Variants in SOX5 observed in about 807,000 individuals in gnomAD.
SOX5 encodes the protein transcription factor SOX-5.
SOX5 carries 9 observed loss-of-function variants against 92.0 expected under a neutral mutation model. The observed-to-expected ratio is 0.10, with a 90% CI of 0.06 to 0.17. The LOEUF (loss-of-function observed/expected upper bound fraction) is 0.17, where lower values mean the gene tolerates loss of function less well. Ranked by LOEUF, SOX5 falls within the 10% of genes least tolerant of loss-of-function variation. The pLI, the probability that SOX5 is intolerant of heterozygous loss-of-function variation, is 1.00. For synonymous variants in SOX5, 344 were observed against 336.3 expected, an observed-to-expected ratio of 1.02 and a Z score of -0.25; for missense variants, 642 against 944.5, an observed-to-expected ratio of 0.68 and a Z score of 4.20.
intron 6 of SOX5, among the ~76,000 whole-genome samples, chr12:23,697,863 T>C (rs2090098878): frequency 6.6e-6 from 1 of 152,136 alleles, no homozygotes; most frequent in African/African-American, 2.4e-5. Flanking sequence ...TAATTTACAT[T>C]TAATAAAATT....
chr12:23,684,127 G>A (rs1034017100), intron 6 of SOX5, among the ~76,000 whole-genome samples: 3 of 151,938 alleles, frequency 2.0e-5, no homozygotes, highest in Non-Finnish European at 4.4e-5. Flanking sequence ...AACTAGAAAT[G>A]TGCTCTACTC....
At chr12:23,957,226 A>G (rs902412237) in intron 4 of SOX5, among the ~76,000 whole-genome samples, 4 of 152,198 alleles carry the variant, frequency 2.6e-5, no homozygotes, top group Non-Finnish European at 4.4e-5. Flanking sequence ...GTTACTAATT[A>G]AAGTTAATGT....
intron 7 of SOX5, among the ~76,000 whole-genome samples, chr12:23,646,437 G>A (rs1158973938): frequency 6.6e-6 from 1 of 152,168 alleles, no homozygotes; most frequent in Non-Finnish European, 1.5e-5. Flanking sequence ...AAAGTGCTGG[G>A]ATTATGGGCA....
rs1375437943 is a variant in SOX5, at chr12:24,095,122, C to CAGAGAGAGAGAG, written c.-2+118220_-2+118221insCTCTCTCTCTCT. ...ACACACACACACACACACACACACA[C>CAGAGAGAGAGAG]ACACACAGAGAGAGAGAGAGAGAGA... On this transcript the variant is annotated intron_variant, in intron 4 of 4. Coordinates refer to the SOX5 transcript ENST00000446891. Among the ~76,000 whole-genome samples, 879 of 93,714 alleles carry CAGAGAGAGAGAG rather than the reference C, an allele frequency of 9.4e-3. 8 individuals are homozygous for CAGAGAGAGAGAG. The highest frequency in any genetic ancestry group is 0.056 in the East Asian group (160 of 2,846). The allele number at this position is 93,714 out of a possible 152,430, so 61.5% of individuals were successfully genotyped here.
At chr12:24,019,376 G>C (rs1403774677) in intron 4 of SOX5, among the ~76,000 whole-genome samples, 1 of 152,036 alleles carries the variant, frequency 6.6e-6, no homozygotes, top group Non-Finnish European at 1.5e-5. Flanking sequence ...ATTCAAAACA[G>C]AACTAGAAAA....
intron 3 of SOX5, among the ~76,000 whole-genome samples, chr12:24,214,152 G>C (rs1958970716): frequency 6.6e-6 from 1 of 151,818 alleles, no homozygotes; most frequent in Non-Finnish European, 1.5e-5. Flanking sequence ...CATTGTACTA[G>C]GACACTAAGT....
intron 4 of SOX5, among the ~76,000 whole-genome samples, chr12:24,121,384 G>A (rs1948597681): frequency 6.6e-6 from 1 of 152,066 alleles, no homozygotes; most frequent in Admixed American, 6.6e-5. Context: ...AAGCCACTAA[G>A]AAGGATAAGA....
intron 1 of SOX5, among the ~76,000 whole-genome samples, chr12:24,387,893 C>A (rs149301527): frequency 2.0e-5 from 3 of 152,166 alleles, no homozygotes; most frequent in Non-Finnish European, 2.9e-5. Context: ...AACTGAGCAG[C>A]TCATACTCAG....
At chr12:23,757,400 A>T (rs1237520912) in intron 3 of SOX5, among the ~76,000 whole-genome samples, 1 of 152,032 alleles carries the variant, frequency 6.6e-6, no homozygotes, top group East Asian at 1.9e-4. Flanking sequence ...GTCATAAAAC[A>T]GAGTAAATAT....
chr12:23,737,936 C>T (rs192415475), intron 5 of SOX5, among the ~76,000 whole-genome samples: 1 of 152,076 alleles, frequency 6.6e-6, no homozygotes, highest in African/African-American at 2.4e-5. Flanking sequence ...TAGATAATAC[C>T]CTCATCTCCA....
At chr12:24,409,302 G>C (rs993292494) in intron 1 of SOX5, among the ~76,000 whole-genome samples, 3 of 152,110 alleles carry the variant, frequency 2.0e-5, no homozygotes, top group African/African-American at 4.8e-5. Context: ...TGGACACAGA[G>C]AGGGGAACAA....
intron 4 of SOX5, among the ~76,000 whole-genome samples, chr12:23,745,271 T>C (rs1407739191): frequency 1.3e-5 from 2 of 152,174 alleles, no homozygotes; most frequent in African/African-American, 4.8e-5. Context: ...TTTTGTCATC[T>C]TTTTTCATGA....
At chr12:24,209,974 C>A (rs1214825826) in intron 4 of SOX5, among the ~76,000 whole-genome samples, 3 of 140,662 alleles carry the variant, frequency 2.1e-5, no homozygotes, top group Admixed American at 7.2e-5. Flanking sequence ...GCCGAGATCC[C>A]GCCACTGCAC....
At chr12:23,549,973 A>C (rs1943883449) in intron 11 of SOX5, among the ~76,000 whole-genome samples, 1 of 151,996 alleles carries the variant, frequency 6.6e-6, no homozygotes, top group Admixed American at 6.6e-5. Flanking sequence ...AAAATCTGAC[A>C]TACAGAAAAC....
chr12:23,942,858 T>A (rs1004324270), intron 1 of SOX5, among the ~76,000 whole-genome samples: 5 of 152,056 alleles, frequency 3.3e-5, no homozygotes, highest in African/African-American at 1.2e-4. Flanking sequence ...CATACATTTT[T>A]AAGAAAGATC....
At chr12:23,821,007 C>T (rs1015207203) in intron 3 of SOX5, among the ~76,000 whole-genome samples, 1 of 152,104 alleles carries the variant, frequency 6.6e-6, no homozygotes, top group Non-Finnish European at 1.5e-5. Flanking sequence ...CTATAAATTA[C>T]TTTGGGCAGT....
At position 23,846,063 on chromosome 12, in the gene SOX5, C is replaced by T; in HGVS notation, c.401G>A (p.Arg134Gln). The T allele has an allele frequency of 1.2e-6, 2 of 1,614,110 alleles. No homozygotes were observed. Among genetic ancestry groups the T allele is most frequent in the Non-Finnish European group, 1.7e-6 (2 of 1,180,002 alleles). Residue 134 changes from arginine (R) to glutamine (Q), a missense_variant, in exon 3 of 15, where the codon CGG (arginine) becomes CAG (glutamine). Around this residue, in one of 8 missense-constraint regions of SOX5, gnomAD observed 29 missense variants for 47.4 expected, o/e 0.61. Transcript: ENST00000451604. ...LSSTALGTPE[R>Q]RKGSLADVVD... The stretch of plus-strand genomic sequence containing the variant: ...AACATCAGCTAAACTGCCCTTGCGC[C>T]GTTCAGGAGTTCCCAGGGCTGTACT...
At chr12:24,183,644 C>A (rs966642037) in intron 4 of SOX5, among the ~76,000 whole-genome samples, 20 of 152,012 alleles carry the variant, frequency 1.3e-4, no homozygotes, top group Non-Finnish European at 1.9e-4. Context: ...AGAAAAAAAT[C>A]TAATATAAAA....
intron 9 of SOX5, among the ~76,000 whole-genome samples, chr12:23,595,876 T>C (rs1952327285): frequency 6.6e-6 from 1 of 152,116 alleles, no homozygotes; most frequent in Non-Finnish European, 1.5e-5. Context: ...CACTAAGCAA[T>C]ATATCCTTGT....
Sources: gnomAD v4.1 joint callset for allele counts (sites outside exome capture counted in the v4.1 genomes callset) on GRCh38, gnomAD v4.1.1 for gene constraint, gnomAD v4.1.1 regional missense constraint, MANE v1.5 for transcripts, NCBI Gene and HGNC (gene_info 2026-07-23, HGNC 2026-07-21) for gene names.